Variants in CLASRP observed in about 807,000 individuals in gnomAD.
CLASRP encodes the protein CLK4 associating serine/arginine rich protein.
In CLASRP, 52 loss-of-function variants were observed where a neutral mutation model predicts 99.9. That is an observed-to-expected ratio of 0.52 (90% CI 0.42 to 0.66). The LOEUF is 0.66. Among genes scored for constraint, CLASRP ranks in the 30% least tolerant of loss-of-function variants. CLASRP has a pLI of 0.00. For missense variants in CLASRP, 848 were observed against 999.2 expected, an observed-to-expected ratio of 0.85 and a Z score of 2.04; for synonymous variants, 379 against 373.0, an observed-to-expected ratio of 1.02 and a Z score of -0.18.
At position 45,067,597 on chromosome 19, in the gene CLASRP, G is replaced by A. The variant is rs895445983; in HGVS notation, c.1667+3G>A. 1.3e-6 allele frequency: 2 copies of A among 1,592,410 alleles called. No homozygotes were observed. The highest frequency in any genetic ancestry group is 3.4e-5 in the Admixed American group (2 of 58,470). ...GCTGTGGGCGAGAAGCTGAAAAAGT[G>A]AGCGGGGCGGGTCTGGAGGAAGAGG... On this transcript the variant is annotated splice_donor_region_variant and intron_variant, in intron 14 of 20. Coordinates refer to ENST00000221455, the MANE Select transcript of CLASRP (RefSeq NM_007056.3). The surrounding 1 kb of genome is among the most constrained non-coding windows in gnomAD (Gnocchi z 4.9).
At chr19:45,054,539 G>A (rs987161419) in intron 5 of CLASRP, among the ~76,000 whole-genome samples, 10 of 152,178 alleles carry the variant, frequency 6.6e-5, no homozygotes, top group East Asian at 3.9e-4. Flanking sequence ...GTGAGCCACC[G>A]CGCCTGGCCA....
rs142558530 is a variant in CLASRP at position 45,065,510 on chromosome 19, G to A, written c.1409+880G>A. Among the ~76,000 whole-genome samples, 1,218 of 151,650 alleles carry A rather than the reference G, an allele frequency of 8.0e-3. 16 individuals are homozygous for A. The highest frequency in any genetic ancestry group is 0.027 in the African/African-American group (1,132 of 41,330). On this transcript the variant is annotated intron_variant, in intron 13 of 20. Coordinates refer to ENST00000221455, the MANE Select transcript of CLASRP (RefSeq NM_007056.3). Reference sequence around the variant, plus strand: ...CCGCAGGCGGAGGTTGCAGTGAGCCGAGATTGTGCCACTGCACCCCAGCTT... The same window carrying A: ...CCGCAGGCGGAGGTTGCAGTGAGCCAAGATTGTGCCACTGCACCCCAGCTT...
Position 45,067,942 on chromosome 19 carries a change from T to A in CLASRP, c.1668-73T>A. On this transcript the variant is annotated intron_variant, in intron 14 of 20. Coordinates refer to ENST00000221455, the MANE Select transcript of CLASRP (RefSeq NM_007056.3). The surrounding 1 kb of genome is among the most constrained non-coding windows in gnomAD (Gnocchi z 4.9). ...TGGCTACCTGGTCTGAGGGCAGTGC[T>A]GAGGCTGGGGTCAGAGGTGGCAGCT... The A allele has an allele frequency of 8.7e-7, 1 of 1,149,968 alleles. No homozygotes were observed. The highest frequency in any genetic ancestry group is 1.3e-6 in the Non-Finnish European group (1 of 757,570). The allele number at this position is 1,149,968 out of a possible 1,614,324, so 71.2% of individuals were successfully genotyped here.
chr19:45,058,048 TCTCA>T, intron 7 of CLASRP, 150 bp downstream of exon 7: 1 of 921,956 alleles, frequency 1.1e-6, no homozygotes. Context: ...GCTGCCCCTG[TCTCA>T]CTCCTGTCCT....
rs746065879 is a variant in CLASRP, at chr19:45,053,196, GA to G, written c.379+20del. On this transcript the variant is annotated intron_variant, in intron 5 of 20. Coordinates refer to ENST00000221455, the MANE Select transcript of CLASRP (RefSeq NM_007056.3). ...GCCGGCAGTGAGTGATCTGTGGGGGGACGTGGGGTGTGGGGTTTGAGCCTGG... is the reference window on the plus strand; with the variant it reads ...GCCGGCAGTGAGTGATCTGTGGGGGGCGTGGGGTGTGGGGTTTGAGCCTGG... 17 of 1,613,056 alleles carry G rather than the reference GA, an allele frequency of 1.1e-5. No homozygotes were observed. In the Admixed American group the frequency reaches 2.8e-4, roughly 27 times the overall value.
In CLASRP at chr19:45,057,723, C is replaced by A. The variant is rs748973831; in HGVS notation, c.465-27C>A. 1.9e-6 allele frequency: 3 copies of A among 1,613,322 alleles called. No individual in the cohort carries two copies. In the South Asian group the frequency reaches 3.3e-5, roughly 18 times the overall value. On this transcript the variant is annotated intron_variant, in intron 6 of 20. Coordinates refer to ENST00000221455, the MANE Select transcript of CLASRP (RefSeq NM_007056.3). ...GGCCCTCATCTCCACTGGGCACGGC[C>A]CTGGCTTACCAGCTCCCCTTTCTCA...
At chr19:45,061,343 C>T (rs1011601270) in intron 10 of CLASRP, among the ~76,000 whole-genome samples, 5 of 152,192 alleles carry the variant, frequency 3.3e-5, no homozygotes, top group Admixed American at 6.5e-5. Flanking sequence ...AGTGCAGGAA[C>T]GCCCAGGCTG....
intron 11 of CLASRP, 73 bp downstream of exon 11, chr19:45,062,268 G>A (rs1966957660): frequency 1.1e-6 from 1 of 897,730 alleles, no homozygotes; most frequent in Non-Finnish European, 1.9e-6. Flanking sequence ...CTGAGGAGGG[G>A]ATGGGAGGTT....
chr19:45,064,265 C>T, intron 12 of CLASRP, 38 bp downstream of exon 12: 2 of 1,542,620 alleles, frequency 1.3e-6, no homozygotes, highest in East Asian at 2.4e-5. Flanking sequence ...ACGCCCCGGT[C>T]ACCATGGGGG....
intron 2 of CLASRP, among the ~76,000 whole-genome samples, chr19:45,047,116 G>A (rs1038969739): frequency 1.3e-5 from 2 of 152,102 alleles, no homozygotes; most frequent in Non-Finnish European, 2.9e-5. Flanking sequence ...AGAGGTGGAC[G>A]CAAGCTAAAT....
Position 45,068,022 on chromosome 19 carries a change from C to A in CLASRP, c.1675C>A (p.Pro559Thr), listed in dbSNP as rs777355364. 1.2e-6 allele frequency: 2 copies of A among 1,613,640 alleles called. No homozygotes were observed. Among genetic ancestry groups the A allele is most frequent in the Non-Finnish European group, 8.5e-7 (1 of 1,179,578 alleles). ...GGCCCTGCCCCCACCCAGGACCGAACCTGCCGCTGGTAAAGAGACAGGAGC... is the reference window on the plus strand; with the variant it reads ...GGCCCTGCCCCCACCCAGGACCGAAACTGCCGCTGGTAAAGAGACAGGAGC... ...AVGEKLKKTE[P>T]AAGKETGAAK... Residue 559 changes from proline (P) to threonine (T), a missense_variant, in exon 15 of 21, where the codon CCT (proline) becomes ACT (threonine). Coordinates refer to ENST00000221455, the MANE Select transcript of CLASRP (RefSeq NM_007056.3).
chr19:45,062,758 T>A (rs1350561584), intron 11 of CLASRP, among the ~76,000 whole-genome samples: 1 of 152,100 alleles, frequency 6.6e-6, no homozygotes, highest in Non-Finnish European at 1.5e-5. Context: ...GTGGTAAAAA[T>A]GACCAAATAT....
intron 5 of CLASRP, among the ~76,000 whole-genome samples, chr19:45,054,323 C>G (rs957760256): frequency 6.6e-5 from 10 of 152,192 alleles, no homozygotes; most frequent in African/African-American, 2.4e-4. Context: ...AATCTCAGCT[C>G]ACTGCAACCT....
rs1002666074 is a variant in CLASRP at position 45,039,118 on chromosome 19, G to C, written c.-30+10G>C. 2 of 152,202 alleles carry C rather than the reference G, an allele frequency of 1.3e-5. No homozygotes were observed. Among genetic ancestry groups the C allele is most frequent in the African/African-American group, 4.8e-5 (2 of 41,456 alleles). The allele number at this position is 152,202 out of a possible 1,614,324, so 9.4% of individuals were successfully genotyped here. ...AGGCGGCGACCAGCCGGTGAGTGCA[G>C]GCTGCGGCTCGACCTCCCGGTTTTC... is the stretch of plus-strand genomic sequence containing the variant. On this transcript the variant is annotated intron_variant, in intron 1 of 20. Coordinates refer to ENST00000221455, the MANE Select transcript of CLASRP (RefSeq NM_007056.3).
At chr19:45,068,149 TG>T in intron 15 of CLASRP, 95 bp downstream of exon 15, 1 of 1,122,776 alleles carries the variant, frequency 8.9e-7, no homozygotes, top group South Asian at 1.3e-5. Context: ...CCGGGTGGGC[TG>T]GGAGATCCAG....
intron 12 of CLASRP, 22 bp downstream of exon 12, chr19:45,064,249 C>T (rs1389192794): frequency 1.3e-6 from 2 of 1,558,248 alleles, no homozygotes; most frequent in East Asian, 2.3e-5. Flanking sequence ...TCACGCCGCC[C>T]GCCCTACGCC....
Position 45,069,082 on chromosome 19 carries a change from G to A in CLASRP, c.1785G>A (p.Lys595=), listed in dbSNP as rs1408959706. The A allele has an allele frequency of 1.3e-5, 21 of 1,614,152 alleles. No individual in the cohort carries two copies. The highest frequency in any genetic ancestry group is 1.8e-5 in the Non-Finnish European group (21 of 1,180,014). Residue 595 remains lysine, a synonymous_variant, in exon 17 of 21, where the codon AAG becomes AAA. Transcript: ENST00000221455. ...ALNRQFKADK[K]AAQEKMIQQE... Reference sequence around the variant, plus strand: ...TCTCTACAGTCAAGGCGGATAAGAAGGCGGCACAAGAAAAGATGATCCAGC... The same window carrying A: ...TCTCTACAGTCAAGGCGGATAAGAAAGCGGCACAAGAAAAGATGATCCAGC...
chr19:45,041,179 G>C (rs1971805519), intron 2 of CLASRP, among the ~76,000 whole-genome samples: 1 of 148,914 alleles, frequency 6.7e-6, no homozygotes, highest in Non-Finnish European at 1.5e-5. Flanking sequence ...GCAGTGAGCT[G>C]AGATAGCACC....
chr19:45,068,316 C>T (rs894311153), intron 15 of CLASRP, 104 bp from the exon 16 acceptor site: 15 of 633,958 alleles, frequency 2.4e-5, no homozygotes, highest in African/African-American at 1.4e-4. Flanking sequence ...CGTTCTCCCC[C>T]CCCCACCCCC....
Sources: gnomAD v4.1 joint callset for allele counts (sites outside exome capture counted in the v4.1 genomes callset) on GRCh38, gnomAD v4.1.1 for gene constraint, Gnocchi (gnomAD v3.1) non-coding constraint, MANE v1.5 for transcripts, NCBI Gene and HGNC (gene_info 2026-07-23, HGNC 2026-07-21) for gene names.